The following PTPRD variants were observed in gnomAD, a reference collection of about 807,000 sequenced individuals.
The protein encoded by PTPRD is receptor-type tyrosine-protein phosphatase delta.
Under a neutral mutation model 214.5 loss-of-function variants are expected in PTPRD, and 34 were observed. The ratio of observed to expected loss-of-function variants is 0.16; its 90% CI spans 0.12 to 0.21. The LOEUF (loss-of-function observed/expected upper bound fraction) is 0.21. PTPRD is among the 10% of genes least tolerant of loss of function. The pLI, the probability that PTPRD is intolerant of heterozygous loss-of-function variation, is 1.00. For missense variants in PTPRD, 2,545 were observed against 2,398.7 expected (o/e 1.06, Z -1.27); for synonymous variants, 1,128 against 845.7 (o/e 1.33, Z -5.79).
chr9:10,151,318 A>T (rs1467952682), intron 3 of PTPRD, among the ~76,000 whole-genome samples: 2 of 127,018 alleles, frequency 1.6e-5, no homozygotes, highest in Non-Finnish European at 3.1e-5. Flanking sequence ...GCTAGAGTAC[A>T]GTGGTGCGAT....
intron 8 of PTPRD, among the ~76,000 whole-genome samples, chr9:9,459,313 T>C (rs1054843525): frequency 3.3e-5 from 5 of 152,070 alleles, no homozygotes; most frequent in African/African-American, 9.7e-5. Flanking sequence ...TGTACACTTT[T>C]ACCACTCCTA....
At chr9:8,795,850 A>C (rs1191426981) in intron 11 of PTPRD, among the ~76,000 whole-genome samples, 1 of 152,164 alleles carries the variant, frequency 6.6e-6, no homozygotes, top group Non-Finnish European at 1.5e-5. Flanking sequence ...TTGTTAATAT[A>C]CTCTCATTTT....
At chr9:10,545,092 T>C (rs1273772012) in intron 2 of PTPRD, among the ~76,000 whole-genome samples, 1 of 152,170 alleles carries the variant, frequency 6.6e-6, no homozygotes, top group African/African-American at 2.4e-5. Context: ...CCACTTTAAA[T>C]ATGGAAAGAC....
intron 10 of PTPRD, among the ~76,000 whole-genome samples, chr9:9,023,413 A>C (rs1177644369): frequency 1.3e-5 from 2 of 152,038 alleles, no homozygotes; most frequent in Non-Finnish European, 2.9e-5. Context: ...AATTTTTGGC[A>C]CACATGATAA....
chr9:9,948,038 A>T (rs1421243636), intron 4 of PTPRD, among the ~76,000 whole-genome samples: 1 of 151,962 alleles, frequency 6.6e-6, no homozygotes, highest in Non-Finnish European at 1.5e-5. Flanking sequence ...ATAGATGAAG[A>T]AAGGTAAAAA....
At chr9:8,778,522 A>T (rs10977296) in intron 11 of PTPRD, among the ~76,000 whole-genome samples, 6 of 152,100 alleles carry the variant, frequency 3.9e-5, no homozygotes, top group African/African-American at 1.4e-4. Flanking sequence ...TCATGCTGCA[A>T]GATCACTGGT....
intron 9 of PTPRD, among the ~76,000 whole-genome samples, chr9:9,240,374 C>T (rs2099969751): frequency 6.6e-6 from 1 of 152,042 alleles, no homozygotes; most frequent in Non-Finnish European, 1.5e-5. Context: ...TGTAAACAAA[C>T]ATAAAAATTC....
At chr9:9,954,654 T>C (rs932117874) in intron 4 of PTPRD, among the ~76,000 whole-genome samples, 1 of 152,070 alleles carries the variant, frequency 6.6e-6, no homozygotes, top group African/African-American at 2.4e-5. Flanking sequence ...AATAGGTACA[T>C]AACAAACATC....
At chr9:9,831,566 T>C (rs2054850380) in intron 5 of PTPRD, among the ~76,000 whole-genome samples, 1 of 151,958 alleles carries the variant, frequency 6.6e-6, no homozygotes, top group East Asian at 1.9e-4. Flanking sequence ...GATATTCTTT[T>C]TCCTGTAGGA....
chr9:9,383,763 T>C (rs560770181), intron 9 of PTPRD, among the ~76,000 whole-genome samples: 1 of 152,200 alleles, frequency 6.6e-6, no homozygotes, highest in South Asian at 2.1e-4. Context: ...TTAATATTTA[T>C]TTCTCCCTTA....
chr9:10,454,854 A>G (rs2098894558), intron 2 of PTPRD, among the ~76,000 whole-genome samples: 1 of 151,424 alleles, frequency 6.6e-6, no homozygotes, highest in Admixed American at 6.6e-5. Flanking sequence ...CACATATAAT[A>G]GAAAACTCTA....
intron 8 of PTPRD, among the ~76,000 whole-genome samples, chr9:9,446,081 C>T (rs1188595100): frequency 6.6e-6 from 1 of 152,010 alleles, no homozygotes; most frequent in Non-Finnish European, 1.5e-5. Context: ...TTATGAAAGC[C>T]ATGTGGTAAG....
At chr9:8,485,122 C>A (rs1032360696) in intron 29 of PTPRD, 105 bp downstream of exon 29, 2 of 854,508 alleles carry the variant, frequency 2.3e-6, no homozygotes, top group African/African-American at 1.7e-5. Flanking sequence ...AGCAAGGACA[C>A]GTGGCCAAAA....
intron 11 of PTPRD, among the ~76,000 whole-genome samples, chr9:8,765,619 C>T (rs1023314947): frequency 7.9e-5 from 12 of 152,184 alleles, no homozygotes; most frequent in Admixed American, 7.2e-4. Context: ...ACTGCAACCT[C>T]GTAACAGATC....
intron 3 of PTPRD, among the ~76,000 whole-genome samples, chr9:10,326,963 A>T (rs1565314206): frequency 6.6e-6 from 1 of 151,500 alleles, no homozygotes; most frequent in Non-Finnish European, 1.5e-5. Context: ...ACACTTTGAT[A>T]GGAAACATCT....
At chr9:9,028,643 T>C (rs2099594995) in intron 10 of PTPRD, among the ~76,000 whole-genome samples, 1 of 151,954 alleles carries the variant, frequency 6.6e-6, no homozygotes, top group African/African-American at 2.4e-5. Flanking sequence ...TGAAAGACAT[T>C]ATGCTAAGTG....
At chr9:8,388,385 G>C (rs2088023250) in intron 37 of PTPRD, among the ~76,000 whole-genome samples, 1 of 152,124 alleles carries the variant, frequency 6.6e-6, no homozygotes, top group Admixed American at 6.6e-5. Context: ...TTCAAATTCT[G>C]TCTTGAATGT....
intron 5 of PTPRD, among the ~76,000 whole-genome samples, chr9:9,895,398 A>T (rs1206894474): frequency 1.3e-5 from 2 of 152,092 alleles, no homozygotes; most frequent in Non-Finnish European, 2.9e-5. Context: ...GAGACCTTAT[A>T]TGTATCTGAA....
chr9:10,164,088 A>T (rs2099144718), intron 3 of PTPRD, among the ~76,000 whole-genome samples: 1 of 151,478 alleles, frequency 6.6e-6, no homozygotes, highest in African/African-American at 2.4e-5. Context: ...GGGAAATGCA[A>T]TTTAAAAACC....
Sources: allele counts gnomAD v4.1 joint callset (sites outside exome capture counted in the v4.1 genomes callset), GRCh38; gene constraint gnomAD v4.1.1; transcripts MANE v1.5; gene names NCBI Gene and HGNC (gene_info 2026-07-23, HGNC 2026-07-21).